The following PCDHA4 variants were observed in gnomAD, a reference collection of about 807,000 sequenced individuals.
PCDHA4 encodes protocadherin alpha-4.
A neutral mutation model predicts 61.4 loss-of-function variants in PCDHA4; 49 were observed. The observed-to-expected ratio is 0.80, with a 90% confidence interval of 0.63 to 1.01. PCDHA4 has a LOEUF of 1.01. PCDHA4 is among the 50% of genes least tolerant of loss of function. The probability of loss-of-function intolerance (pLI) is 0.00; values close to 1 mark genes in which losing one functional copy is unlikely to be tolerated. For synonymous variants in PCDHA4, 590 were observed against 550.3 expected (o/e 1.07, Z -1.01); for missense variants, 1,254 against 1,235.8 (o/e 1.01, Z -0.22).
intron 1 of PCDHA4, among the ~76,000 whole-genome samples, chr5:140,826,476 C>A (rs1486348458): frequency 6.6e-6 from 1 of 152,104 alleles, no homozygotes; most frequent in Non-Finnish European, 1.5e-5. Context: ...AGGCATTTTA[C>A]TGTATATCAG....
At chr5:140,847,783 T>G (rs1360011396) in intron 1 of PCDHA4, 1 of 149,840 alleles carries the variant, frequency 6.7e-6, no homozygotes, top group Non-Finnish European at 1.5e-5. Flanking sequence ...TCGCTTTTCT[T>G]GCAATATTTT....
At chr5:140,953,062 C>A (rs2094842577) in intron 1 of PCDHA4, among the ~76,000 whole-genome samples, 1 of 152,160 alleles carries the variant, frequency 6.6e-6, no homozygotes, top group East Asian at 1.9e-4. Context: ...CTCTCACAGG[C>A]CCCATCTCCA....
chr5:140,870,198 C>G, intron 1 of PCDHA4: 1 of 1,614,172 alleles, frequency 6.2e-7, no homozygotes, highest in Non-Finnish European at 8.5e-7. Context: ...CTCAGCCCAG[C>G]ACGGTCATTG....
In PCDHA4 at chr5:141,009,945, A is replaced by C. The variant is rs2098415489; in HGVS notation, c.*8A>C. 5.0e-6 allele frequency: 8 copies of C among 1,596,112 alleles called. No homozygotes were observed. The highest frequency in any genetic ancestry group is 6.8e-6 in the Non-Finnish European group (8 of 1,173,736). On this transcript the variant is annotated 3_prime_UTR_variant, in exon 4 of 4. Coordinates refer to ENST00000530339, the MANE Select transcript of PCDHA4 (RefSeq NM_018907.4). ...GACAACAGTGACCAGTGAGGTCCTCAAATGGAAACAAGCCACTTAGCCAGT... is the reference window on the plus strand; with the variant it reads ...GACAACAGTGACCAGTGAGGTCCTCCAATGGAAACAAGCCACTTAGCCAGT...
intron 1 of PCDHA4, chr5:140,828,253 G>A: frequency 6.2e-7 from 1 of 1,613,994 alleles, no homozygotes. Context: ...ACCTGGGGCT[G>A]GAGCTGGCGG....
intron 1 of PCDHA4, among the ~76,000 whole-genome samples, chr5:140,826,894 G>A (rs1466105298): frequency 6.6e-6 from 1 of 152,116 alleles, no homozygotes; most frequent in East Asian, 1.9e-4. Context: ...TACTCATAAA[G>A]ATAAATATGA....
intron 1 of PCDHA4, chr5:140,857,557 G>A: frequency 6.3e-7 from 1 of 1,596,936 alleles, no homozygotes; most frequent in Non-Finnish European, 8.6e-7. Flanking sequence ...AGCGCTCGCT[G>A]TCGAGCTACG....
chr5:140,971,203 T>A (rs1586466173), intron 1 of PCDHA4, among the ~76,000 whole-genome samples: 2 of 152,308 alleles, frequency 1.3e-5, no homozygotes, highest in Middle Eastern at 6.8e-3. Context: ...GGAAAGACAC[T>A]GTTACCCTCC....
intron 1 of PCDHA4, chr5:140,842,474 G>C: frequency 6.2e-7 from 1 of 1,613,946 alleles, no homozygotes; most frequent in Middle Eastern, 1.6e-4. Flanking sequence ...CAACGGGCAG[G>C]TGACCTGCTC....
chr5:140,995,949 G>T (rs781875497), intron 3 of PCDHA4, among the ~76,000 whole-genome samples: 1 of 152,160 alleles, frequency 6.6e-6, no homozygotes, highest in African/African-American at 2.4e-5. Context: ...CATAATGCAC[G>T]CAAAATGCTT....
At chr5:140,848,972 T>G in intron 1 of PCDHA4, 3 of 1,601,076 alleles carry the variant, frequency 1.9e-6, no homozygotes, top group Non-Finnish European at 2.6e-6. Context: ...GCGCGTCCGA[T>G]GCAGATATCG....
At chr5:140,962,350 C>A (rs78940637) in intron 1 of PCDHA4, among the ~76,000 whole-genome samples, 3,557 of 152,264 alleles carry the variant, frequency 0.023, 46 homozygotes, top group Middle Eastern at 0.034. Context: ...TAAAACTCCC[C>A]CCAATACTGG....
In PCDHA4 at chr5:140,808,774, G is replaced by A. The variant is rs1554124777; in HGVS notation, c.1587G>A (p.Glu529=). The A allele has an allele frequency of 1.2e-6, 2 of 1,612,462 alleles. No homozygotes were observed. Among genetic ancestry groups the A allele is most frequent in the South Asian group, 1.1e-5 (1 of 91,006 alleles). ...AGCCGCTGGACCACGAGGAGCTAGA[G>A]CTGCTGCAGTTTCAGGTGACCGCTC... ...ALQPLDHEEL[E]LLQFQVTARD... The change falls in exon 1 of 4, where the codon GAG becomes GAA. Residue 529 remains glutamate (E), a synonymous_variant. Coordinates refer to ENST00000530339, the MANE Select transcript of PCDHA4 (RefSeq NM_018907.4).
At chr5:140,811,968 G>A (rs2126633467) in intron 1 of PCDHA4, 8 of 150,734 alleles carry the variant, frequency 5.3e-5, no homozygotes, top group Non-Finnish European at 7.4e-5. Context: ...CACTCTGATT[G>A]TAGTTTCTTT....
intron 1 of PCDHA4, chr5:140,850,256 C>G (rs781879208): frequency 1.9e-6 from 3 of 1,594,146 alleles, no homozygotes; most frequent in Non-Finnish European, 1.7e-6. Context: ...CGGTGGGCGC[C>G]GGCGTAGTGG....
At position 140,822,748 on chromosome 5, in the gene PCDHA4, A is replaced by G. The variant is rs2150119092; in HGVS notation, c.2385+13176A>G. The G allele has an allele frequency of 7.4e-6, 12 of 1,613,850 alleles. No individual in the cohort carries two copies. The Admixed American group carries it at 2.0e-4, about 27-fold the overall frequency. ...AATTAATATTGATGCCATGGATAAAAGTACATTCCCATTATCAGGACACTG... is the reference window on the plus strand; with the variant it reads ...AATTAATATTGATGCCATGGATAAAGGTACATTCCCATTATCAGGACACTG... On this transcript the variant is annotated intron_variant, in intron 1 of 3. Coordinates refer to ENST00000530339, the MANE Select transcript of PCDHA4 (RefSeq NM_018907.4).
intron 1 of PCDHA4, among the ~76,000 whole-genome samples, chr5:140,838,693 C>T (rs2150291585): frequency 7.9e-5 from 12 of 151,860 alleles, no homozygotes; most frequent in East Asian, 7.7e-4. Flanking sequence ...CCCAACATTT[C>T]GGGAGGCCGA....
intron 1 of PCDHA4, chr5:140,967,330 C>G: frequency 6.2e-7 from 1 of 1,608,074 alleles, no homozygotes; most frequent in South Asian, 1.1e-5. Context: ...ACGAGCTCAG[C>G]CCCAGCGAGC....
intron 1 of PCDHA4, chr5:140,857,623 G>T (rs1554150390): frequency 2.5e-6 from 4 of 1,596,656 alleles, no homozygotes; most frequent in Non-Finnish European, 8.6e-7. Flanking sequence ...TGGACCACGA[G>T]GAGCTGGAGC....
Sources: allele counts gnomAD v4.1 joint callset (sites outside exome capture counted in the v4.1 genomes callset), GRCh38; gene constraint gnomAD v4.1.1; transcripts MANE v1.5; gene names NCBI Gene and HGNC (gene_info 2026-07-23, HGNC 2026-07-21).